TENM4: variants seen among roughly 807,000 people sequenced by gnomAD.
TENM4 encodes the protein teneurin transmembrane protein 4.
In TENM4, 82 loss-of-function variants were observed where a neutral mutation model predicts 243.3. The observed-to-expected ratio is 0.34, with a 90% CI of 0.28 to 0.40. The LOEUF is 0.40. Ranked by LOEUF, TENM4 falls within the 10% of genes least tolerant of loss-of-function variation. TENM4 has a pLI of 1.00. For missense variants in TENM4, 3,138 were observed against 3,673.3 expected, an observed-to-expected ratio of 0.85 and a Z score of 3.77; for synonymous variants, 1,412 against 1,456.3, an observed-to-expected ratio of 0.97 and a Z score of 0.69.
chr11:78,854,458 G>A (rs1565407812), intron 11 of TENM4, 144 bp from the exon 12 acceptor site: 2 of 648,952 alleles, frequency 3.1e-6, no homozygotes, highest in Non-Finnish European at 4.6e-6. Flanking sequence ...CAGGAAGGTT[G>A]ATCAATCAAC....
chr11:79,224,662 G>T (rs1023613219), intron 2 of TENM4, among the ~76,000 whole-genome samples: 1 of 152,128 alleles, frequency 6.6e-6, no homozygotes, highest in Non-Finnish European at 1.5e-5. Flanking sequence ...TATAAAAAGG[G>T]GAAACTTGGC....
At chr11:79,170,777 T>A (rs1863023269) in intron 3 of TENM4, among the ~76,000 whole-genome samples, 2 of 152,188 alleles carry the variant, frequency 1.3e-5, no homozygotes. Context: ...GACACTATGT[T>A]GTTTAAGCCA....
In TENM4 at chr11:79,021,999, CA is replaced by C. The variant is rs537785604; in HGVS notation, c.493+42738del. ...CAGAGGATACGCAGACAATTTGGCT[CA>C]ATCGTGCTGTCTCTAGAGAAACCAA... On this transcript the variant is annotated intron_variant, in intron 6 of 33. Coordinates refer to ENST00000278550, the MANE Select transcript of TENM4 (RefSeq NM_001098816.3). Among the ~76,000 whole-genome samples, 241 of 152,266 alleles carry C rather than the reference CA, an allele frequency of 1.6e-3. 1 individual carries two copies. Among genetic ancestry groups the C allele is most frequent in the African/African-American group, 4.5e-3 (188 of 41,544 alleles).
Position 78,658,409 on chromosome 11 carries a change from G to A in TENM4, c.7959C>T (p.Asn2653=), listed in dbSNP as rs1231133606. 1.2e-6 allele frequency: 2 copies of A among 1,614,082 alleles called. No homozygotes were observed. The highest frequency in any genetic ancestry group is 1.7e-6 in the Non-Finnish European group (2 of 1,179,906). Residue 2653 remains asparagine (N), a synonymous_variant, in exon 34 of 34, where the codon AAC becomes AAT. Transcript: ENST00000278550. The part of the protein sequence containing the change: ...NGVNVTVSQI[N]TVLNGRTRRY... ...GTCTAGTCCTGCCATTAAGTACTGT[G>A]TTGATCTGGGACACAGTGACGTTGA...
intron 22 of TENM4, among the ~76,000 whole-genome samples, chr11:78,727,749 A>C (rs547251217): frequency 6.6e-6 from 1 of 152,340 alleles, no homozygotes; most frequent in East Asian, 1.9e-4. Flanking sequence ...GTGTGTAAAA[A>C]GTCCTGTAAC....
chr11:79,182,220 A>T (rs980148485), intron 3 of TENM4, among the ~76,000 whole-genome samples: 1 of 152,214 alleles, frequency 6.6e-6, no homozygotes, highest in East Asian at 1.9e-4. Context: ...TCAAGACAGC[A>T]TGGTATTGGA....
chr11:78,824,289 G>A (rs987516916), intron 12 of TENM4, among the ~76,000 whole-genome samples: 4 of 152,142 alleles, frequency 2.6e-5, no homozygotes, highest in Non-Finnish European at 5.9e-5. Context: ...AAGCTTAGAG[G>A]CATGGTGGAA....
intron 12 of TENM4, among the ~76,000 whole-genome samples, chr11:78,836,872 T>G (rs541625009): frequency 7.2e-5 from 11 of 152,316 alleles, no homozygotes; most frequent in African/African-American, 2.6e-4. Flanking sequence ...ATTTAAAATA[T>G]TTATATGCAT....
chr11:79,351,858 T>G (rs909105058), intron 1 of TENM4, among the ~76,000 whole-genome samples: 1 of 152,174 alleles, frequency 6.6e-6, no homozygotes, highest in African/African-American at 2.4e-5. Context: ...CACTTGTGAC[T>G]CAGTGCAACA....
intron 12 of TENM4, among the ~76,000 whole-genome samples, chr11:78,850,764 G>A (rs1215004218): frequency 1.3e-5 from 2 of 152,188 alleles, no homozygotes; most frequent in African/African-American, 4.8e-5. Flanking sequence ...GTAGCCCAGA[G>A]CCTGTGCTAA....
chr11:79,303,159 C>T (rs1176748897), intron 1 of TENM4, among the ~76,000 whole-genome samples: 3 of 152,290 alleles, frequency 2.0e-5, no homozygotes, highest in Non-Finnish European at 4.4e-5. Flanking sequence ...CTTCAAGATT[C>T]CTTTTATTTA....
chr11:79,218,222 T>C (rs1356531316), intron 2 of TENM4, among the ~76,000 whole-genome samples: 17 of 80,146 alleles, frequency 2.1e-4, no homozygotes, highest in African/African-American at 7.3e-4. Context: ...ATTAGAAGTT[T>C]ACCCCCTGCC....
chr11:79,212,376 C>T (rs971510415), intron 3 of TENM4, among the ~76,000 whole-genome samples: 2 of 152,216 alleles, frequency 1.3e-5, no homozygotes, highest in Non-Finnish European at 2.9e-5. Flanking sequence ...AACCCCTTTC[C>T]AGGAACCCCT....
chr11:79,383,183 G>A (rs1300232276), intron 1 of TENM4, among the ~76,000 whole-genome samples: 1 of 152,194 alleles, frequency 6.6e-6, no homozygotes, highest in Non-Finnish European at 1.5e-5. Flanking sequence ...AGCAGGAGAG[G>A]GGAGGGCAGG....
chr11:79,075,932 C>T (rs1565193471), intron 4 of TENM4, among the ~76,000 whole-genome samples: 1 of 152,202 alleles, frequency 6.6e-6, no homozygotes, highest in African/African-American at 2.4e-5. Context: ...GGTCACAAGC[C>T]CTCCAGTGAC....
intron 6 of TENM4, among the ~76,000 whole-genome samples, chr11:79,047,671 A>G (rs972020226): frequency 2.6e-5 from 4 of 152,270 alleles, no homozygotes; most frequent in South Asian, 4.2e-4. Context: ...CCATGTGTCA[A>G]GGGGGCCTAG....
At chr11:79,132,650 C>T (rs1365620556) in intron 4 of TENM4, among the ~76,000 whole-genome samples, 1 of 152,040 alleles carries the variant, frequency 6.6e-6, no homozygotes, top group Non-Finnish European at 1.5e-5. Flanking sequence ...AGCTCTGTCT[C>T]AGACTGCAGT....
intron 19 of TENM4, among the ~76,000 whole-genome samples, chr11:78,745,086 G>A (rs1381214263): frequency 2.0e-5 from 3 of 151,956 alleles, no homozygotes; most frequent in Admixed American, 2.0e-4. Flanking sequence ...AGTAAGTTTG[G>A]TTAACACTAG....
chr11:79,230,182 A>C (rs1864348735), intron 2 of TENM4, among the ~76,000 whole-genome samples: 2 of 152,166 alleles, frequency 1.3e-5, no homozygotes, highest in Non-Finnish European at 2.9e-5. Context: ...CATTTTAGCC[A>C]CACCTTGAAG....
Sources: allele counts gnomAD v4.1 joint callset (sites outside exome capture counted in the v4.1 genomes callset), GRCh38; gene constraint gnomAD v4.1.1; transcripts MANE v1.5; gene names NCBI Gene and HGNC (gene_info 2026-07-23, HGNC 2026-07-21).